RNF6: variants seen among roughly 807,000 people sequenced by gnomAD.
RNF6 encodes E3 ubiquitin-protein ligase RNF6.
RNF6 carries 21 observed loss-of-function variants against 50.1 expected under a neutral mutation model. The observed-to-expected ratio is 0.42, with a 90% confidence interval of 0.30 to 0.60. The LOEUF (loss-of-function observed/expected upper bound fraction) is 0.60. Among genes scored for constraint, RNF6 ranks in the 20% least tolerant of loss-of-function variants. The probability of loss-of-function intolerance (pLI) is 0.20; values close to 1 mark genes in which losing one functional copy is unlikely to be tolerated. For missense variants in RNF6, 698 were observed against 838.2 expected, an observed-to-expected ratio of 0.83 and a Z score of 2.07; for synonymous variants, 255 against 291.8, an observed-to-expected ratio of 0.87 and a Z score of 1.29.
chr13:26,171,306 T>G (rs1872686809), intron 5 of RNF6, among the ~76,000 whole-genome samples: 1 of 152,104 alleles, frequency 6.6e-6, no homozygotes, highest in Non-Finnish European at 1.5e-5. Context: ...TCAACATCAG[T>G]AGTCATTAGG....
chr13:26,153,884 C>T (rs1420949988), intron 5 of RNF6, among the ~76,000 whole-genome samples: 1 of 152,076 alleles, frequency 6.6e-6, no homozygotes, highest in East Asian at 1.9e-4. Flanking sequence ...TTTTCAGCCC[C>T]AAAATGGAAT....
At chr13:26,156,832 G>A (rs545191602) in intron 5 of RNF6, among the ~76,000 whole-genome samples, 5 of 152,294 alleles carry the variant, frequency 3.3e-5, no homozygotes, top group African/African-American at 1.2e-4. Flanking sequence ...CAAATCAGTA[G>A]ACCCTCGTTA....
At chr13:26,220,662 G>A (rs1870384801) in intron 2 of RNF6, among the ~76,000 whole-genome samples, 1 of 152,176 alleles carries the variant, frequency 6.6e-6, no homozygotes, top group African/African-American at 2.4e-5. Context: ...CAGGTCTGCT[G>A]TTAAGAGCTA....
intron 5 of RNF6, among the ~76,000 whole-genome samples, chr13:26,196,910 T>C (rs1421666452): frequency 2.6e-5 from 4 of 152,046 alleles, no homozygotes; most frequent in African/African-American, 7.3e-5. Flanking sequence ...AATGTAGGTA[T>C]AGAAATCAAA....
intron 5 of RNF6, among the ~76,000 whole-genome samples, chr13:26,199,184 A>T (rs1254084440): frequency 1.3e-5 from 2 of 150,030 alleles, no homozygotes; most frequent in Non-Finnish European, 2.9e-5. Flanking sequence ...GTAGAATGAC[A>T]TAAGAATGAC....
chr13:26,161,724 T>C (rs1321891423), intron 5 of RNF6, among the ~76,000 whole-genome samples: 1 of 152,234 alleles, frequency 6.6e-6, no homozygotes, highest in Admixed American at 6.5e-5. Context: ...GTTTGTGTTT[T>C]CTCTGCAATT....
Position 26,172,796 on chromosome 13 carries a change from G to A in RNF6, n.769-40345C>T, listed in dbSNP as rs181936303. 2.4e-3 allele frequency among the ~76,000 whole-genome samples: 364 copies of A among 152,186 alleles called. 2 individuals are homozygous for A. Among genetic ancestry groups the A allele is most frequent in the Middle Eastern group, 6.8e-3 (2 of 294 alleles). ...CTGACCTCGTGATCCGCCCACCTCG[G>A]CCTCCCAAAGTGCTGGGATTACAGG... On this transcript the variant is annotated intron_variant and non_coding_transcript_variant, in intron 5 of 5. Coordinates refer to the RNF6 transcript ENST00000468480.
intron 4 of RNF6, among the ~76,000 whole-genome samples, chr13:26,216,348 T>C (rs761925897): frequency 2.0e-5 from 3 of 152,196 alleles, no homozygotes; most frequent in Non-Finnish European, 4.4e-5. Flanking sequence ...CTGTTATACA[T>C]AATAAAATAC....
chr13:26,167,590 A>G (rs756615654), intron 5 of RNF6, among the ~76,000 whole-genome samples: 6 of 152,258 alleles, frequency 3.9e-5, no homozygotes, highest in Non-Finnish European at 7.3e-5. Context: ...GAATGCTTAT[A>G]CATTGTTGGT....
intron 5 of RNF6, among the ~76,000 whole-genome samples, chr13:26,148,553 C>T (rs549804957): frequency 6.9e-6 from 1 of 144,536 alleles, no homozygotes; most frequent in East Asian, 2.0e-4. Flanking sequence ...AAATTCTGTT[C>T]CTGTAGAACC....
chr13:26,223,035 T>C (rs1317948146), upstream of RNF6, among the ~76,000 whole-genome samples: 1 of 152,246 alleles, frequency 6.6e-6, no homozygotes, highest in Admixed American at 6.5e-5. Flanking sequence ...GTTAAGATGC[T>C]GAGTAGGTCT....
chr13:26,142,969 CAT>C (rs914589155), intron 5 of RNF6, among the ~76,000 whole-genome samples: 1 of 152,090 alleles, frequency 6.6e-6, no homozygotes, highest in African/African-American at 2.4e-5. Flanking sequence ...CACACACAAA[CAT>C]ATTCATAACA....
At chr13:26,138,380 G>T (rs991324048) in intron 5 of RNF6, among the ~76,000 whole-genome samples, 22 of 152,056 alleles carry the variant, frequency 1.4e-4, no homozygotes, top group African/African-American at 4.8e-4. Context: ...GAAATGAAAG[G>T]TTACTAAACT....
chr13:26,178,986 TA>T (rs1873107062), intron 5 of RNF6, among the ~76,000 whole-genome samples: 1 of 152,334 alleles, frequency 6.6e-6, no homozygotes, highest in Non-Finnish European at 1.5e-5. Context: ...TAAGACTAAA[TA>T]ATATTTCATT....
At chr13:26,148,092 A>G (rs554002598) in intron 5 of RNF6, among the ~76,000 whole-genome samples, 1 of 152,312 alleles carries the variant, frequency 6.6e-6, no homozygotes, top group Non-Finnish European at 1.5e-5. Context: ...CAACCATGAC[A>G]TAAGGCGAAG....
At chr13:26,162,512 G>C (rs115221674) in intron 5 of RNF6, among the ~76,000 whole-genome samples, 1 of 152,050 alleles carries the variant, frequency 6.6e-6, no homozygotes, top group African/African-American at 2.4e-5. Context: ...CTTTTTTGCT[G>C]CACCTGACTG....
intron 5 of RNF6, among the ~76,000 whole-genome samples, chr13:26,193,778 G>GA (rs137905210): frequency 0.017 from 2,574 of 152,322 alleles, 18 homozygotes; most frequent in South Asian, 0.032. Context: ...AGTTTTGCTG[G>GA]ATGGTTGAAG....
chr13:26,206,205 GC>G (rs990346083), intron 5 of RNF6, among the ~76,000 whole-genome samples: 9 of 132,052 alleles, frequency 6.8e-5, no homozygotes, highest in Non-Finnish European at 1.5e-4. Context: ...CCTCCCCACT[GC>G]CCCCCGTCCC....
intron 5 of RNF6, among the ~76,000 whole-genome samples, chr13:26,206,425 A>G (rs1869111532): frequency 6.6e-6 from 1 of 152,216 alleles, no homozygotes. Flanking sequence ...ACAGAGTGTC[A>G]AACACTTGGG....
Sources: gnomAD v4.1 joint callset for allele counts (sites outside exome capture counted in the v4.1 genomes callset) on GRCh38, gnomAD v4.1.1 for gene constraint, MANE v1.5 for transcripts, NCBI Gene and HGNC (gene_info 2026-07-23, HGNC 2026-07-21) for gene names.